DGKK: variants seen among roughly 807,000 people sequenced by gnomAD.
DGKK encodes 142 kDa diacylglycerol kinase.
In DGKK, 35 loss-of-function variants were observed where a neutral mutation model predicts 92.2. The observed-to-expected ratio is 0.38, with a 90% confidence interval of 0.29 to 0.50. The LOEUF (loss-of-function observed/expected upper bound fraction) is 0.50. DGKK is among the 20% of genes least tolerant of loss of function. DGKK has a pLI of 0.92. For synonymous variants in DGKK, 368 were observed against 360.6 expected (o/e 1.02, Z -0.23); for missense variants, 910 against 992.2 (o/e 0.92, Z 1.11).
intron 1 of DGKK, among the ~76,000 whole-genome samples, chrX:50,453,738 A>G (rs1663606836): frequency 9.0e-6 from 1 of 111,429 alleles, no homozygotes; most frequent in African/African-American, 3.3e-5. Flanking sequence ...CATCTCTGAA[A>G]GCCAATCAAG....
At chrX:50,448,359 T>C (rs1557232209) in intron 1 of DGKK, among the ~76,000 whole-genome samples, 1 of 110,801 alleles carries the variant, frequency 9.0e-6, no homozygotes, top group East Asian at 2.9e-4. Flanking sequence ...ATCAGCCCAG[T>C]CTGCTTAGGG....
intron 27 of DGKK, 56 bp downstream of exon 27, chrX:50,370,370 T>C: frequency 8.7e-7 from 1 of 1,144,584 alleles, no homozygotes; most frequent in Admixed American, 2.7e-5. Flanking sequence ...CCCTGGGAGG[T>C]AGCCAGGCTG....
intron 26 of DGKK, 42 bp downstream of exon 26, chrX:50,371,682 A>C: frequency 8.2e-6 from 8 of 972,268 alleles, no homozygotes; most frequent in African/African-American, 1.9e-5. Flanking sequence ...CTAAGGAAGA[A>C]TCCCTCTTTC....
At position 50,366,150 on chromosome X, in the gene DGKK, A is replaced by G. The variant is rs1923970161; in HGVS notation, c.*2790T>C. 1 of 112,280 alleles carries G rather than the reference A, an allele frequency of 8.9e-6. No individual in the cohort carries two copies. The highest frequency in any genetic ancestry group is 1.9e-5 in the Non-Finnish European group (1 of 53,276). The allele number at this position is 112,280 out of a possible 1,213,427, so 9.3% of individuals were successfully genotyped here. A position where few individuals can be genotyped will look rare whatever the true frequency, so the allele number is the denominator to read the frequency against. ...TTGGTCCCACCACCCAAGCAATTGT[A>G]TTAATTACTGCAAGTGGTTAACAAA... On this transcript the variant is annotated 3_prime_UTR_variant, in exon 28 of 28. Transcript: ENST00000611977.
At chrX:50,420,364 C>T (rs1256019798) in intron 4 of DGKK, 39 bp downstream of exon 4, 1 of 1,128,446 alleles carries the variant, frequency 8.9e-7, no homozygotes, top group Admixed American at 2.2e-5. Flanking sequence ...AATTATTTAC[C>T]TATTAAGAAT....
At chrX:50,412,202 C>T (rs1020899611) in intron 4 of DGKK, among the ~76,000 whole-genome samples, 3 of 111,495 alleles carry the variant, frequency 2.7e-5, no homozygotes, top group African/African-American at 6.5e-5. Context: ...AGAAAACAAT[C>T]CCACTTACAA....
chrX:50,448,526 G>T (rs782247141), intron 1 of DGKK, among the ~76,000 whole-genome samples: 1 of 111,223 alleles, frequency 9.0e-6, no homozygotes, highest in South Asian at 3.8e-4. Flanking sequence ...ATCAGCAGGG[G>T]CAAATCCATA....
At chrX:50,424,501 A>C in intron 1 of DGKK, 143 bp from the exon 2 acceptor site, 4 of 471,173 alleles carry the variant, frequency 8.5e-6, no homozygotes, top group Non-Finnish European at 1.4e-5. Flanking sequence ...AGGTGAGAAC[A>C]CAGTGAAGCT....
intron 1 of DGKK, among the ~76,000 whole-genome samples, chrX:50,432,166 C>G (rs1925905777): frequency 8.9e-6 from 1 of 111,862 alleles, no homozygotes; most frequent in Non-Finnish European, 1.9e-5. Flanking sequence ...CATCCTAACA[C>G]TGAAAAGCCA....
intron 11 of DGKK, 64 bp downstream of exon 11, chrX:50,391,373 T>G: frequency 1.7e-6 from 2 of 1,167,884 alleles, no homozygotes; most frequent in Non-Finnish European, 2.3e-6. Flanking sequence ...GTATTCCTGA[T>G]TGAGATGATG....
intron 3 of DGKK, among the ~76,000 whole-genome samples, chrX:50,420,888 A>G (rs1834192247): frequency 8.9e-6 from 1 of 111,791 alleles, no homozygotes; most frequent in African/African-American, 3.3e-5. Context: ...CAGCAGGTAA[A>G]AAACTAAACC....
At chrX:50,370,246 A>T (rs1388710688) in intron 27 of DGKK, among the ~76,000 whole-genome samples, 180 bp downstream of exon 27, 1 of 111,250 alleles carries the variant, frequency 9.0e-6, no homozygotes, top group African/African-American at 3.3e-5. Context: ...TGTCCATATC[A>T]CTTTCTCTCA....
intron 24 of DGKK, 145 bp downstream of exon 24, chrX:50,375,879 G>T: frequency 1.4e-6 from 1 of 700,730 alleles, no homozygotes; most frequent in South Asian, 3.3e-5. Flanking sequence ...GTCAAGGAAT[G>T]CCTGCCTTCC....
chrX:50,450,525 G>A (rs1320509809), intron 1 of DGKK, among the ~76,000 whole-genome samples: 1 of 112,079 alleles, frequency 8.9e-6, no homozygotes, highest in Non-Finnish European at 1.9e-5. Flanking sequence ...ACACTTCCCA[G>A]AAGGTCAGTG....
intron 1 of DGKK, among the ~76,000 whole-genome samples, chrX:50,435,344 T>C (rs1219222520): frequency 1.8e-5 from 2 of 112,119 alleles, no homozygotes; most frequent in Non-Finnish European, 3.8e-5. Flanking sequence ...GTGGGGATGG[T>C]GAGCCCACAT....
intron 4 of DGKK, among the ~76,000 whole-genome samples, chrX:50,407,756 T>C: frequency 1.8e-5 from 2 of 112,019 alleles, no homozygotes; most frequent in Admixed American, 1.9e-4. Context: ...CTATCCATAT[T>C]GCAAAACCCA....
At chrX:50,389,738 C>T (rs781903981) in intron 12 of DGKK, among the ~76,000 whole-genome samples, 35 of 111,260 alleles carry the variant, frequency 3.1e-4, no homozygotes, top group African/African-American at 1.1e-3. Context: ...CTGGCCCCTA[C>T]GCCTCAGCCA....
At chrX:50,447,268 A>G (rs1926333433) in intron 1 of DGKK, among the ~76,000 whole-genome samples, 1 of 82,100 alleles carries the variant, frequency 1.2e-5, no homozygotes, top group Non-Finnish European at 2.4e-5. Flanking sequence ...GTGGTCATAC[A>G]TAAGTCAAAA....
Position 50,379,702 on chromosome X carries a change from C to T in DGKK, c.2787G>A (p.Leu929=). The change falls in exon 20 of 28, where the codon CTG becomes CTA. Residue 929 remains leucine, a synonymous_variant. Coordinates refer to ENST00000611977, the MANE Select transcript of DGKK (RefSeq NM_001013742.4). ...CDGETISLPN[L]QGIVVLNITS... is the part of the protein sequence containing the mutation. ...TAATGTTGAGCACTACAATGCCTTG[C>T]AGGTTTGGCAAGGAGATGGTTTCTC... The T allele has an allele frequency of 8.3e-7, 1 of 1,211,031 alleles. No homozygotes were observed.
Sources: gnomAD v4.1 joint callset for allele counts (sites outside exome capture counted in the v4.1 genomes callset) on GRCh38, gnomAD v4.1.1 for gene constraint, MANE v1.5 for transcripts, NCBI Gene and HGNC (gene_info 2026-07-23, HGNC 2026-07-21) for gene names.